The following STK32B variants were observed in gnomAD, a reference collection of about 807,000 sequenced individuals.
STK32B encodes serine/threonine kinase 32B, also known as serine/threonine-protein kinase 32B.
STK32B carries 43 observed loss-of-function variants against 52.6 expected under a neutral mutation model. That is an observed-to-expected ratio of 0.82 (90% CI 0.64 to 1.05). STK32B has a LOEUF of 1.05. STK32B is among the 50% of genes least tolerant of loss of function. The probability of loss-of-function intolerance (pLI) is 0.00; values close to 1 mark genes in which losing one functional copy is unlikely to be tolerated. For missense variants in STK32B, 621 were observed against 534.6 expected (o/e 1.16, Z -1.59); for synonymous variants, 238 against 204.3 (o/e 1.17, Z -1.41).
chr4:5,177,734 G>A (rs1176623247), intron 3 of STK32B, among the ~76,000 whole-genome samples: 1 of 152,172 alleles, frequency 6.6e-6, no homozygotes, highest in Non-Finnish European at 1.5e-5. Flanking sequence ...GCCAAAACAG[G>A]GGGGCTACAT....
chr4:5,154,933 A>T (rs114207640), intron 2 of STK32B, among the ~76,000 whole-genome samples: 3,177 of 152,170 alleles, frequency 0.021, 104 homozygotes, highest in African/African-American at 0.072. Context: ...CCTCCCTCCC[A>T]CTCGGGATAT....
At chr4:5,371,028 ATATATG>A (rs2109011795) in intron 4 of STK32B, among the ~76,000 whole-genome samples, 1 of 150,632 alleles carries the variant, frequency 6.6e-6, no homozygotes, top group African/African-American at 2.5e-5. Flanking sequence ...ATATGTGTAT[ATATATG>A]TATATATATG....
At chr4:5,099,224 A>G (rs1440696505) in intron 1 of STK32B, among the ~76,000 whole-genome samples, 1 of 152,100 alleles carries the variant, frequency 6.6e-6, no homozygotes, top group African/African-American at 2.4e-5. Flanking sequence ...CATGGGGTCC[A>G]CTCAAATAAT....
Position 5,129,013 on chromosome 4 carries a change from T to G in STK32B, c.53-10892T>G, listed in dbSNP as rs549679253. Among the ~76,000 whole-genome samples, 9 of 152,306 alleles carry G rather than the reference T, an allele frequency of 5.9e-5. No homozygotes were observed. In the East Asian group the frequency reaches 1.5e-3, roughly 26 times the overall value. On this transcript the variant is annotated intron_variant, in intron 1 of 11. Transcript: ENST00000282908. ...TGTCGATTCCAGCCCTTGTGTAGCC[T>G]GTGAGACTGTGGCCTTGAACTAATA...
chr4:5,466,617 T>C (rs1717454512), intron 9 of STK32B, 86 bp from the exon 10 acceptor site: 2 of 1,484,458 alleles, frequency 1.3e-6, no homozygotes, highest in African/African-American at 1.4e-5. Context: ...ACTTGTTGAA[T>C]GAATGAATGG....
At chr4:5,171,100 G>A (rs1719334805) in intron 3 of STK32B, among the ~76,000 whole-genome samples, 1 of 152,076 alleles carries the variant, frequency 6.6e-6, no homozygotes, top group Non-Finnish European at 1.5e-5. Flanking sequence ...CTGCATAAAT[G>A]TCTTCTTTTG....
intron 1 of STK32B, among the ~76,000 whole-genome samples, chr4:5,068,691 T>G (rs10025746): frequency 0.088 from 13,436 of 152,244 alleles, 702 homozygotes; most frequent in South Asian, 0.16. Context: ...CCTGTACTAT[T>G]GTTTAATACT....
At position 5,470,516 on chromosome 4, in the gene STK32B, C is replaced by T. The variant is rs1287948127; in HGVS notation, c.1106+2446C>T. Among the ~76,000 whole-genome samples the T allele has an allele frequency of 6.6e-6, 1 of 152,078 alleles. No individual in the cohort carries two copies. The highest frequency in any genetic ancestry group is 1.5e-5 in the Non-Finnish European group (1 of 68,024). On this transcript the variant is annotated intron_variant, in intron 11 of 11. Coordinates refer to ENST00000282908, the MANE Select transcript of STK32B (RefSeq NM_018401.3). The surrounding 1 kb of genome is among the most constrained non-coding windows in gnomAD (Gnocchi z 4.6). Reference sequence around the variant, plus strand: ...CTTACCTAAGTGCTTCCTCTGCGGCCCTGATGGCTGATAGGCTTCCTGTCA... The same window carrying T: ...CTTACCTAAGTGCTTCCTCTGCGGCTCTGATGGCTGATAGGCTTCCTGTCA...
intron 3 of STK32B, among the ~76,000 whole-genome samples, chr4:5,288,124 A>T (rs1336494739): frequency 6.6e-6 from 1 of 152,166 alleles, no homozygotes; most frequent in African/African-American, 2.4e-5. Flanking sequence ...CTTCCGTTTT[A>T]TGGATCTACC....
chr4:5,493,827 T>G (rs1281281581), intron 11 of STK32B, among the ~76,000 whole-genome samples: 1 of 152,268 alleles, frequency 6.6e-6, no homozygotes, highest in Non-Finnish European at 1.5e-5. Flanking sequence ...TGCCTTCATT[T>G]CGTTATGTAC....
chr4:5,495,089 A>G (rs564494354), intron 11 of STK32B, among the ~76,000 whole-genome samples: 5 of 151,952 alleles, frequency 3.3e-5, no homozygotes, highest in Admixed American at 6.6e-5. Flanking sequence ...TCTTTGTGGC[A>G]TTCTCTGTAT....
At chr4:5,372,334 T>A (rs966308566) in intron 4 of STK32B, among the ~76,000 whole-genome samples, 1 of 152,168 alleles carries the variant, frequency 6.6e-6, no homozygotes. Flanking sequence ...CCCTGGGTCC[T>A]GCCATCTCTG....
chr4:5,485,461 G>A (rs1398015492), intron 11 of STK32B, among the ~76,000 whole-genome samples: 1 of 152,108 alleles, frequency 6.6e-6, no homozygotes, highest in African/African-American at 2.4e-5. Flanking sequence ...GGACTTCTCT[G>A]TATTGGTTAT....
chr4:5,419,829 C>A (rs1261901763), intron 6 of STK32B, among the ~76,000 whole-genome samples: 1 of 152,202 alleles, frequency 6.6e-6, no homozygotes, highest in Non-Finnish European at 1.5e-5. Context: ...ACCATCATAT[C>A]CCTAGAATCC....
chr4:5,112,909 T>C (rs1161515085), intron 1 of STK32B, among the ~76,000 whole-genome samples: 1 of 152,096 alleles, frequency 6.6e-6, no homozygotes, highest in Non-Finnish European at 1.5e-5. Flanking sequence ...AAGATATTAT[T>C]GAATACTGAC....
chr4:5,024,933 G>T, the STK32B span, among the ~76,000 whole-genome samples: 1 of 152,052 alleles, frequency 6.6e-6, no homozygotes, highest in Non-Finnish European at 1.5e-5. Flanking sequence ...CCCAGGCTTG[G>T]GACACAGCCA....
At chr4:5,171,436 T>C (rs1719363954) in intron 3 of STK32B, among the ~76,000 whole-genome samples, 1 of 152,138 alleles carries the variant, frequency 6.6e-6, no homozygotes, top group South Asian at 2.1e-4. Context: ...TTTTTATGGT[T>C]TTAGGTCTAA....
intron 2 of STK32B, among the ~76,000 whole-genome samples, chr4:5,165,108 T>C (rs1317932694): frequency 2.6e-5 from 4 of 152,148 alleles, no homozygotes; most frequent in African/African-American, 7.2e-5. Flanking sequence ...GTGCCTTAGA[T>C]AGCATGAGGT....
intron 1 of STK32B, among the ~76,000 whole-genome samples, chr4:5,126,009 G>C (rs1715341702): frequency 6.6e-6 from 1 of 152,092 alleles, no homozygotes; most frequent in Non-Finnish European, 1.5e-5. Context: ...TTGTTGAGAA[G>C]CCATCCTCCC....
Sources: gnomAD v4.1 joint callset for allele counts (sites outside exome capture counted in the v4.1 genomes callset) on GRCh38, gnomAD v4.1.1 for gene constraint, Gnocchi (gnomAD v3.1) non-coding constraint, MANE v1.5 for transcripts, NCBI Gene and HGNC (gene_info 2026-07-23, HGNC 2026-07-21) for gene names.